NDRG2: variants seen among roughly 807,000 people sequenced by gnomAD.
NDRG2 encodes protein NDRG2.
Under a neutral mutation model 58.2 loss-of-function variants are expected in NDRG2, and 34 were observed. The observed-to-expected ratio is 0.58, with a 90% confidence interval of 0.44 to 0.78. The LOEUF is 0.78. Among genes scored for constraint, NDRG2 ranks in the 30% least tolerant of loss-of-function variants. The pLI is 0.00. For missense variants in NDRG2, 434 were observed against 471.2 expected (o/e 0.92, Z 0.73); for synonymous variants, 187 against 175.9 (o/e 1.06, Z -0.50).
intron 1 of NDRG2, chr14:21,035,871 C>A: frequency 4.4e-6 from 2 of 455,710 alleles, no homozygotes; most frequent in Non-Finnish European, 8.8e-6. Context: ...TACGGGGAGG[C>A]GGTCCTGCAT....
Position 21,018,192 on chromosome 14 carries a change from A to G in NDRG2, c.897+12T>C. On this transcript the variant is annotated intron_variant, in intron 14 of 15. Transcript: ENST00000556147. ...GTCCCTTCCCCATCCCATGGACGGC[A>G]GCGGCACTCACCTGAGTCAGCTGGG... is the stretch of plus-strand genomic sequence containing the variant. 1.2e-6 allele frequency: 2 copies of G among 1,613,810 alleles called. No homozygotes were observed. The highest frequency in any genetic ancestry group is 1.7e-6 in the Non-Finnish European group (2 of 1,179,928).
At chr14:21,039,673 G>C (rs1228783355) in intron 1 of NDRG2, among the ~76,000 whole-genome samples, 2 of 152,160 alleles carry the variant, frequency 1.3e-5, no homozygotes, top group Admixed American at 6.5e-5. Flanking sequence ...CCAAATAATT[G>C]AGGCAAAACA....
upstream of NDRG2, chr14:21,028,990 G>A (rs555751655): frequency 1.3e-4 from 20 of 152,310 alleles, no homozygotes; most frequent in East Asian, 1.5e-3. Context: ...AGAAAAGGCC[G>A]AAGAGAGAAA....
chr14:21,054,443 G>T (rs563220865), intron 1 of NDRG2, among the ~76,000 whole-genome samples: 1 of 152,042 alleles, frequency 6.6e-6, no homozygotes, highest in African/African-American at 2.4e-5. Context: ...GTGGGAACAG[G>T]CATTGACCAA....
chr14:21,066,077 C>T (rs1018927135), intron 1 of NDRG2, among the ~76,000 whole-genome samples: 10 of 152,030 alleles, frequency 6.6e-5, no homozygotes, highest in Middle Eastern at 3.2e-3. Context: ...CCAGCCTGGG[C>T]GACAGAGCAA....
chr14:21,025,935 G>A (rs1237289018), upstream of NDRG2: 3 of 158,274 alleles, frequency 1.9e-5, no homozygotes, highest in Non-Finnish European at 4.1e-5. This position sits in a 1 kb window ranked among gnomAD's most constrained non-coding sequence, Gnocchi z 5.1. Context: ...TTAACCCTGC[G>A]GGGGTGGAGT....
At chr14:21,059,719 C>T (rs2319614) in intron 1 of NDRG2, among the ~76,000 whole-genome samples, 1 of 136,676 alleles carries the variant, frequency 7.3e-6, no homozygotes, top group Non-Finnish European at 1.6e-5. Flanking sequence ...GGGCTGGTCT[C>T]AAACTCCTGG....
At chr14:21,025,766 G>A, upstream of NDRG2, 1 of 918,674 alleles carries the variant, frequency 1.1e-6, no homozygotes, top group Non-Finnish European at 1.3e-6. This position sits in a 1 kb window ranked among gnomAD's most constrained non-coding sequence, Gnocchi z 5.1. Flanking sequence ...GGCGGGGAAT[G>A]CGGGGGGCCG....
chr14:21,064,036 A>G (rs1460063846), intron 1 of NDRG2, among the ~76,000 whole-genome samples: 10 of 152,178 alleles, frequency 6.6e-5, no homozygotes, highest in Non-Finnish European at 1.2e-4. Context: ...AACCTTTTTA[A>G]TATTTTAAGA....
chr14:21,030,550 C>A, upstream of NDRG2: 1 of 1,605,798 alleles, frequency 6.2e-7, no homozygotes, highest in East Asian at 2.2e-5. Flanking sequence ...CAAGTGTCTC[C>A]CACGACTGCC....
rs1396320953 is a variant in NDRG2, at chr14:21,032,061, A to G, written c.25-8740T>C. On this transcript the variant is annotated intron_variant, in intron 1 of 14. Coordinates refer to the NDRG2 transcript ENST00000403829. The stretch of plus-strand genomic sequence containing the variant: ...GGTTACAAGGGTTCTGGCACCTACG[A>G]TAAGAAGACCAAGTAGAGAGGAGCT... The G allele has an allele frequency of 2.2e-5, 35 of 1,613,654 alleles. No homozygotes were observed. The Admixed American group carries it at 5.8e-4, about 27-fold the overall frequency.
chr14:21,050,974 T>G (rs1360424776), intron 1 of NDRG2, among the ~76,000 whole-genome samples: 1 of 152,238 alleles, frequency 6.6e-6, no homozygotes, highest in East Asian at 1.9e-4. Flanking sequence ...TAAAAAAATT[T>G]AATGTAACTC....
rs570742499 is a variant in NDRG2, at chr14:21,023,133, G to A, written c.75+108C>T. 19 of 994,932 alleles carry A rather than the reference G, an allele frequency of 1.9e-5. No homozygotes were observed. The Admixed American group carries it at 3.2e-4, about 17-fold the overall frequency. The allele number at this position is 994,932 out of a possible 1,614,324, so 61.6% of individuals were successfully genotyped here. On this transcript the variant is annotated intron_variant, in intron 2 of 15. Transcript: ENST00000556147. ...GGAGAGAGACTAGGGTAGTGGTGAAGCAGTGGTGTGAGTTAGAATAAGATC... is the reference window on the plus strand; with the variant it reads ...GGAGAGAGACTAGGGTAGTGGTGAAACAGTGGTGTGAGTTAGAATAAGATC...
chr14:21,051,988 A>C (rs933825803), intron 1 of NDRG2, among the ~76,000 whole-genome samples: 61 of 152,316 alleles, frequency 4.0e-4, no homozygotes, highest in African/African-American at 1.4e-3. Flanking sequence ...CCTTCTTTCA[A>C]GGCACCTTCA....
Position 21,070,868 on chromosome 14 carries a change from G to A in NDRG2, c.-17C>T. On this transcript the variant is annotated 5_prime_UTR_variant, in exon 1 of 15. Transcript: ENST00000403829. The surrounding 1 kb of genome is among the most constrained non-coding windows in gnomAD (Gnocchi z 4.7). The stretch of plus-strand genomic sequence containing the variant: ...ATTTTCCATCCCTGTCCCCAACCCG[G>A]TGAGGCAGGCCCACCCATCCGGCCC... 1 of 1,535,664 alleles carries A rather than the reference G, an allele frequency of 6.5e-7. No individual in the cohort carries two copies. The highest frequency in any genetic ancestry group is 8.7e-7 in the Non-Finnish European group (1 of 1,146,862).
chr14:21,058,131 T>C, intron 1 of NDRG2: 1 of 1,614,076 alleles, frequency 6.2e-7, no homozygotes, highest in East Asian at 2.2e-5. Context: ...AGTGTGGCCA[T>C]CACCTGCCAG....
chr14:21,017,694 C>A lies in NDRG2; in HGVS notation c.1018G>T (p.Asp340Tyr), dbSNP rs1877471290. The change falls in exon 16 of 16, where the codon GAT becomes TAT. Residue 340 changes from aspartate to tyrosine, a missense_variant. Asp to Tyr is a radical substitution (Grantham distance 160, BLOSUM62 -3). Transcript: ENST00000556147. ...GTGCGAGAGCGGGACCGGTTGCCAT[C>A]AACGGATGCTGCACTGGTCAGAGAG... The part of the protein sequence containing the change: ...TASLTSAASV[D>Y]GNRSRSRTLS... 1 of 1,608,920 alleles carries A rather than the reference C, an allele frequency of 6.2e-7. No homozygotes were observed. The highest frequency in any genetic ancestry group is 1.3e-5 in the African/African-American group (1 of 74,976).
chr14:21,021,704 ATT>A (rs1880465026), intron 6 of NDRG2, 111 bp downstream of exon 6: 1 of 1,147,546 alleles, frequency 8.7e-7, no homozygotes, highest in Non-Finnish European at 1.3e-6. Flanking sequence ...AAGAAGATAT[ATT>A]GAGTTCAGAA....
intron 8 of NDRG2, 76 bp downstream of exon 8, chr14:21,020,420 C>T: frequency 8.5e-7 from 1 of 1,180,040 alleles, no homozygotes; most frequent in Non-Finnish European, 1.2e-6. Context: ...TCCAGTTAGG[C>T]TATCTACCAG....
Sources: gnomAD v4.1 joint callset for allele counts (sites outside exome capture counted in the v4.1 genomes callset) on GRCh38, gnomAD v4.1.1 for gene constraint, Gnocchi (gnomAD v3.1) non-coding constraint, MANE v1.5 for transcripts, NCBI Gene and HGNC (gene_info 2026-07-23, HGNC 2026-07-21) for gene names.